KCNQ1: variants seen among roughly 807,000 people sequenced by gnomAD.
KCNQ1 encodes the protein potassium voltage-gated channel subfamily Q member 1.
Under a neutral mutation model 72.4 loss-of-function variants are expected in KCNQ1, and 49 were observed. The observed-to-expected ratio is 0.68, with a 90% CI of 0.54 to 0.86. The LOEUF is 0.86. Among genes scored for constraint, KCNQ1 ranks in the 40% least tolerant of loss-of-function variants. The pLI, the probability that KCNQ1 is intolerant of heterozygous loss-of-function variation, is 0.00. For synonymous variants in KCNQ1, 450 were observed against 412.6 expected, an observed-to-expected ratio of 1.09 and a Z score of -1.10; for missense variants, 790 against 945.1, an observed-to-expected ratio of 0.84 and a Z score of 2.15.
rs559538289 is a variant in KCNQ1, at chr11:2,478,166, C to T, written c.386+32682C>T. 2.6e-5 allele frequency among the ~76,000 whole-genome samples: 4 copies of T among 152,262 alleles called. No homozygotes were observed. Among genetic ancestry groups the T allele is most frequent in the Non-Finnish European group, 5.9e-5 (4 of 68,024 alleles). ...TGTCCAGGGTCGAATCATCCGGAGACACAGGGCAAACCCACATGGAGGGAG... is the reference window on the plus strand; with the variant it reads ...TGTCCAGGGTCGAATCATCCGGAGATACAGGGCAAACCCACATGGAGGGAG... On this transcript the variant is annotated intron_variant, in intron 1 of 15. Transcript: ENST00000155840. This position sits in a 1 kb window ranked among gnomAD's most constrained non-coding sequence, Gnocchi z 4.0.
intron 10 of KCNQ1, chr11:2,632,099 C>A: frequency 2.6e-6 from 1 of 388,828 alleles, no homozygotes; most frequent in Non-Finnish European, 4.5e-6. Context: ...AGGAGAATGG[C>A]GTGAACTCGG....
Position 2,526,926 on chromosome 11 carries a change from CT to C in KCNQ1, c.387-1001del, listed in dbSNP as rs916792538. On this transcript the variant is annotated intron_variant, in intron 1 of 15. Coordinates refer to ENST00000155840, the MANE Select transcript of KCNQ1 (RefSeq NM_000218.3). The surrounding 1 kb of genome is among the most constrained non-coding windows in gnomAD (Gnocchi z 6.1). ...TTCTCTGTTTGTGTCTCCCCTGGCC[CT>C]GGGGGCCATGTGGCCATCTCCTGGC... is the stretch of plus-strand genomic sequence containing the variant. Among the ~76,000 whole-genome samples the C allele has an allele frequency of 6.6e-6, 1 of 152,120 alleles. No homozygotes were observed. Among genetic ancestry groups the C allele is most frequent in the African/African-American group, 2.4e-5 (1 of 41,424 alleles).
intron 10 of KCNQ1, chr11:2,625,891 A>G (rs910821042): frequency 2.5e-6 from 1 of 398,532 alleles, no homozygotes; most frequent in Non-Finnish European, 4.4e-6. Context: ...TTTCAGGTGC[A>G]TTGTTTTTTG....
Position 2,783,478 on chromosome 11 carries a change from T to C in KCNQ1, c.1794+5441T>C, listed in dbSNP as rs1203704528. Among the ~76,000 whole-genome samples, 1 of 152,122 alleles carries C rather than the reference T, an allele frequency of 6.6e-6. No individual in the cohort carries two copies. The highest frequency in any genetic ancestry group is 2.1e-4 in the South Asian group (1 of 4,834). ...ACTGGAACAAGCTTGTTAGTTGGTC[T>C]GTTCAAATCTTCTATATTCTCATTG... On this transcript the variant is annotated intron_variant, in intron 15 of 15. Coordinates refer to ENST00000155840, the MANE Select transcript of KCNQ1 (RefSeq NM_000218.3). This position sits in a 1 kb window ranked among gnomAD's most constrained non-coding sequence, Gnocchi z 5.2.
rs1564891834 is a variant in KCNQ1, at chr11:2,783,928, T to G, written c.1794+5891T>G. Among the ~76,000 whole-genome samples, 1 of 152,088 alleles carries G rather than the reference T, an allele frequency of 6.6e-6. No homozygotes were observed. The highest frequency in any genetic ancestry group is 1.5e-5 in the Non-Finnish European group (1 of 67,920). On this transcript the variant is annotated intron_variant, in intron 15 of 15. Coordinates refer to ENST00000155840, the MANE Select transcript of KCNQ1 (RefSeq NM_000218.3). This position sits in a 1 kb window ranked among gnomAD's most constrained non-coding sequence, Gnocchi z 5.2. ...TCAGATCTATGACTTGCAAATATTT[T>G]CTCCCATTCTGTGGCTGTCTTTTCA...
At chr11:2,798,265 G>A (rs1470022505) in intron 15 of KCNQ1, among the ~76,000 whole-genome samples, 1 of 152,110 alleles carries the variant, frequency 6.6e-6, no homozygotes, top group Non-Finnish European at 1.5e-5. Flanking sequence ...TCCCCTCCTG[G>A]TCACCTTTCG....
rs1265185027 is a variant in KCNQ1 at position 2,491,319 on chromosome 11, T to C, written c.387-36609T>C. ...TTTCAGAGAGAGAATTTAAAATAGC[T>C]GTTATGAGAAAACTCAAATTCAAGA... On this transcript the variant is annotated intron_variant, in intron 1 of 15. Transcript: ENST00000155840. The surrounding 1 kb of genome is among the most constrained non-coding windows in gnomAD (Gnocchi z 4.1). Among the ~76,000 whole-genome samples the C allele has an allele frequency of 6.6e-6, 1 of 152,202 alleles. No homozygotes were observed. The highest frequency in any genetic ancestry group is 1.5e-5 in the Non-Finnish European group (1 of 68,042).
Position 2,482,522 on chromosome 11 carries a change from G to A in KCNQ1, c.386+37038G>A, listed in dbSNP as rs1275502906. Reference sequence around the variant, plus strand: ...TCCTTGGGTCACATTTGCAGGAGAAGACTGACAGGATCAAAGGGTTCCTGC... The same window carrying A: ...TCCTTGGGTCACATTTGCAGGAGAAAACTGACAGGATCAAAGGGTTCCTGC... On this transcript the variant is annotated intron_variant, in intron 1 of 15. Coordinates refer to ENST00000155840, the MANE Select transcript of KCNQ1 (RefSeq NM_000218.3). The surrounding 1 kb of genome is among the most constrained non-coding windows in gnomAD (Gnocchi z 5.7). Among the ~76,000 whole-genome samples, 1 of 152,132 alleles carries A rather than the reference G, an allele frequency of 6.6e-6. No individual in the cohort carries two copies. Among genetic ancestry groups the A allele is most frequent in the African/African-American group, 2.4e-5 (1 of 41,420 alleles).
At chr11:2,614,227 C>T (rs1849024726) in intron 10 of KCNQ1, 3 of 398,548 alleles carry the variant, frequency 7.5e-6, no homozygotes, top group Non-Finnish European at 1.3e-5. Flanking sequence ...GCAAGAGCCT[C>T]CACTATAGCT....
At position 2,748,482 on chromosome 11, in the gene KCNQ1, G is replaced by T. The variant is rs564349050; in HGVS notation, c.1515-20362G>T. ...CCCTCAGCACCTGATGCCAAACCAG[G>T]CTCCACTCTTCCTCCAGGTGAGCCC... is the stretch of plus-strand genomic sequence containing the variant. On this transcript the variant is annotated intron_variant, in intron 11 of 15. Transcript: ENST00000155840. The surrounding 1 kb of genome is among the most constrained non-coding windows in gnomAD (Gnocchi z 6.2). 3.9e-5 allele frequency among the ~76,000 whole-genome samples: 6 copies of T among 152,312 alleles called. No individual in the cohort carries two copies. Among genetic ancestry groups the T allele is most frequent in the Admixed American group, 3.9e-4 (6 of 15,304 alleles).
rs1459663601 is a variant in KCNQ1, at chr11:2,776,974, C to G, written c.1686-12C>G. 6.2e-7 allele frequency: 1 copy of G among 1,613,886 alleles called. No individual in the cohort carries two copies. The highest frequency in any genetic ancestry group is 1.3e-5 in the African/African-American group (1 of 74,914). Reference sequence around the variant, plus strand: ...GCCAGGTGTGAACTGGTGTCTGTGTCCTTCTCTCCAGGCTGGACCAGTCCA... The same window carrying G: ...GCCAGGTGTGAACTGGTGTCTGTGTGCTTCTCTCCAGGCTGGACCAGTCCA... On this transcript the variant is annotated splice_polypyrimidine_tract_variant and intron_variant, in intron 13 of 15. Transcript: ENST00000155840.
In KCNQ1 at chr11:2,798,190, G is replaced by A. The variant is rs185649369; in HGVS notation, c.1794+20153G>A. ...GTGCAAACCCACATGGCAGCCCAGG[G>A]CCCAGGAATGGCTGTCCAAGAGGAA... On this transcript the variant is annotated intron_variant, in intron 15 of 15. Transcript: ENST00000155840. Among the ~76,000 whole-genome samples the A allele has an allele frequency of 1.6e-3, 238 of 152,314 alleles. 1 individual carries two copies. The highest frequency in any genetic ancestry group is 2.4e-3 in the Non-Finnish European group (163 of 68,030).
chr11:2,780,864 G>A (rs957597013), intron 15 of KCNQ1, among the ~76,000 whole-genome samples: 3 of 152,130 alleles, frequency 2.0e-5, no homozygotes, highest in Non-Finnish European at 4.4e-5. Flanking sequence ...CTGCGGGCTC[G>A]TCAAAACTCT....
At chr11:2,662,200 C>T (rs1444299551) in intron 11 of KCNQ1, 119 bp downstream of exon 11, 15 of 1,390,246 alleles carry the variant, frequency 1.1e-5, no homozygotes, top group South Asian at 2.5e-5. Flanking sequence ...GCCTAGTGCC[C>T]ACCACTTGCC....
At chr11:2,708,823 A>G (rs1331454787) in intron 11 of KCNQ1, among the ~76,000 whole-genome samples, 6 of 152,116 alleles carry the variant, frequency 3.9e-5, no homozygotes, top group Non-Finnish European at 8.8e-5. Context: ...AAGATGTGAC[A>G]TGTTCGAAGC....
intron 15 of KCNQ1, among the ~76,000 whole-genome samples, chr11:2,786,963 T>TTTC (rs1846926898): frequency 6.6e-6 from 1 of 151,498 alleles, no homozygotes; most frequent in Non-Finnish European, 1.5e-5. Flanking sequence ...TTTTTTTTTT[T>TTTC]TTCATTGTAA....
intron 15 of KCNQ1, among the ~76,000 whole-genome samples, chr11:2,807,447 G>A (rs936595088): frequency 4.6e-5 from 7 of 152,114 alleles, no homozygotes; most frequent in African/African-American, 9.7e-5. Context: ...GGGCCTCCTC[G>A]CCCCCCCACT....
Position 2,674,232 on chromosome 11 carries a change from T to C in KCNQ1, c.1514+12151T>C, listed in dbSNP as rs1051141543. ...GTTTTTCTTGGGGCCCAGATAGATGTGAGCAGAGCTGGAGGCCCCTCTCTC... is the reference window on the plus strand; with the variant it reads ...GTTTTTCTTGGGGCCCAGATAGATGCGAGCAGAGCTGGAGGCCCCTCTCTC... On this transcript the variant is annotated intron_variant, in intron 11 of 15. Transcript: ENST00000155840. This position sits in a 1 kb window ranked among gnomAD's most constrained non-coding sequence, Gnocchi z 5.9. 8 of 398,652 alleles carry C rather than the reference T, an allele frequency of 2.0e-5. No homozygotes were observed. Among genetic ancestry groups the C allele is most frequent in the East Asian group, 7.1e-5 (2 of 28,050 alleles). 24.7% of individuals were successfully genotyped at this position (398,652 alleles called of 1,614,324 possible).
chr11:2,446,163 C>G lies in KCNQ1; in HGVS notation c.386+679C>G, dbSNP rs188519510. On this transcript the variant is annotated intron_variant, in intron 1 of 15. Transcript: ENST00000155840. The surrounding 1 kb of genome is among the most constrained non-coding windows in gnomAD (Gnocchi z 8.8). ...GCTGGTAGCAGAGGCACCTGGCCCC[C>G]CTGTTACCAGGTGGTTCCAATTCCC... Among the ~76,000 whole-genome samples the G allele has an allele frequency of 3.9e-5, 6 of 152,348 alleles. 1 individual carries two copies. The highest frequency in any genetic ancestry group is 2.1e-4 in the South Asian group (1 of 4,834).
Sources: gnomAD v4.1 joint callset for allele counts (sites outside exome capture counted in the v4.1 genomes callset) on GRCh38, gnomAD v4.1.1 for gene constraint, Gnocchi (gnomAD v3.1) non-coding constraint, MANE v1.5 for transcripts, NCBI Gene and HGNC (gene_info 2026-07-23, HGNC 2026-07-21) for gene names.